The following YEATS2 variants were observed in gnomAD, a reference collection of about 807,000 sequenced individuals.
The protein encoded by YEATS2 is YEATS domain-containing protein 2.
A neutral mutation model predicts 163.2 loss-of-function variants in YEATS2; 77 were observed. That is an observed-to-expected ratio of 0.47 (90% confidence interval 0.39 to 0.57). The LOEUF is 0.57. YEATS2 is among the 20% of genes least tolerant of loss of function. The probability of loss-of-function intolerance (pLI) is 0.00; values close to 1 mark genes in which losing one functional copy is unlikely to be tolerated. For missense variants in YEATS2, 1,549 were observed against 1,729.8 expected (o/e 0.90, Z 1.85); for synonymous variants, 631 against 645.1 (o/e 0.98, Z 0.33).
chr3:183,742,319 C>T (rs1719060180), intron 8 of YEATS2, among the ~76,000 whole-genome samples: 1 of 152,208 alleles, frequency 6.6e-6, no homozygotes, highest in South Asian at 2.1e-4. Context: ...TGAAAGCCTT[C>T]TGGAAAGGAC....
At chr3:183,786,424 T>A (rs546016603) in intron 20 of YEATS2, 123 bp downstream of exon 20, 101 of 972,342 alleles carry the variant, frequency 1.0e-4, no homozygotes, top group Middle Eastern at 3.4e-4. Context: ...CTTTTTTTTT[T>A]AAAGAAATAT....
chr3:183,762,642 T>G (rs1415157405), intron 15 of YEATS2, among the ~76,000 whole-genome samples: 3 of 152,214 alleles, frequency 2.0e-5, no homozygotes, highest in Non-Finnish European at 4.4e-5. Flanking sequence ...CTGTAGTTTA[T>G]ACCTCTGATG....
Position 183,721,915 on chromosome 3 carries a change from G to GT in YEATS2, c.321dup (p.Asn108Ter). On this transcript the variant is annotated frameshift_variant, in exon 5 of 31. Coordinates refer to ENST00000305135, the MANE Select transcript of YEATS2 (RefSeq NM_018023.5). LOFTEE classifies it high-confidence loss of function. ...GGGATCAAAGACATGTGATACAATG[G>GT]TTTTTAATCATCCTGCTATCAAGAA... 1 of 1,614,080 alleles carries GT rather than the reference G, an allele frequency of 6.2e-7. No homozygotes were observed. Among genetic ancestry groups the GT allele is most frequent in the Non-Finnish European group, 8.5e-7 (1 of 1,180,020 alleles).
intron 14 of YEATS2, 109 bp from the exon 15 acceptor site, chr3:183,761,988 G>A: frequency 7.0e-7 from 1 of 1,433,162 alleles, no homozygotes; most frequent in Non-Finnish European, 9.7e-7. Context: ...TACGTATCAA[G>A]TTTCATCAAT....
intron 24 of YEATS2, 128 bp from the exon 25 acceptor site, chr3:183,801,327 A>G (rs1725644959): frequency 1.7e-6 from 1 of 589,090 alleles, no homozygotes; most frequent in South Asian, 3.1e-5. Flanking sequence ...AAGACATGCT[A>G]ATATGATGGT....
chr3:183,736,905 C>T lies in YEATS2; in HGVS notation c.924+76C>T, dbSNP rs74691514. 11,419 of 1,277,264 alleles carry T rather than the reference C, an allele frequency of 8.9e-3. 507 individuals carry two copies. In the East Asian group the frequency reaches 0.14, roughly 15 times the overall value. The allele number at this position is 1,277,264 out of a possible 1,614,324, so 79.1% of individuals were successfully genotyped here. A position where few individuals can be genotyped will look rare whatever the true frequency, so the allele number is the denominator to read the frequency against. On this transcript the variant is annotated intron_variant, in intron 8 of 30. Coordinates refer to ENST00000305135, the MANE Select transcript of YEATS2 (RefSeq NM_018023.5). ...TACAATTGATCCTTGAATAGCATGGCGGTTAAGGACCCCCTCGCATTAAAA... is the reference window on the plus strand; with the variant it reads ...TACAATTGATCCTTGAATAGCATGGTGGTTAAGGACCCCCTCGCATTAAAA...
intron 20 of YEATS2, among the ~76,000 whole-genome samples, chr3:183,790,022 G>C (rs1420794665): frequency 6.6e-6 from 1 of 152,230 alleles, no homozygotes; most frequent in East Asian, 1.9e-4. Context: ...CTGCTTCCCC[G>C]TGCCTCTTCA....
chr3:183,787,405 T>G (rs945404743), intron 20 of YEATS2, among the ~76,000 whole-genome samples: 3 of 152,158 alleles, frequency 2.0e-5, no homozygotes, highest in African/African-American at 7.2e-5. Flanking sequence ...ATTATAGCTA[T>G]TGTAGTGGGT....
intron 26 of YEATS2, chr3:183,803,720 G>A: frequency 1.9e-6 from 1 of 516,438 alleles, no homozygotes. Context: ...TTTAGGGAAA[G>A]CTGGGGTAGG....
chr3:183,773,550 A>G, intron 16 of YEATS2, 83 bp from the exon 17 acceptor site: 1 of 1,348,960 alleles, frequency 7.4e-7, no homozygotes, highest in Non-Finnish European at 1.0e-6. Flanking sequence ...CTAAAATAAG[A>G]ATTTATTGCC....
At chr3:183,723,122 C>T (rs182397563) in intron 5 of YEATS2, among the ~76,000 whole-genome samples, 76 of 152,344 alleles carry the variant, frequency 5.0e-4, no homozygotes, top group African/African-American at 1.4e-3. Context: ...CGTTCTTCAA[C>T]GGTTTCCTCT....
chr3:183,734,261 C>T (rs139231019), intron 7 of YEATS2, among the ~76,000 whole-genome samples: 11 of 152,272 alleles, frequency 7.2e-5, no homozygotes, highest in African/African-American at 2.6e-4. Context: ...GGTCTGTCAC[C>T]TTGGGGACAT....
chr3:183,761,942 A>C (rs1721397750), intron 14 of YEATS2, among the ~76,000 whole-genome samples, 155 bp from the exon 15 acceptor site: 1 of 152,208 alleles, frequency 6.6e-6, no homozygotes, highest in East Asian at 1.9e-4. Flanking sequence ...GTATTTAAGC[A>C]GTATGTATAT....
At chr3:183,808,195 A>AT in intron 29 of YEATS2, 91 bp downstream of exon 29, 1 of 1,044,040 alleles carries the variant, frequency 9.6e-7, no homozygotes, top group Non-Finnish European at 1.4e-6. Context: ...GAACAAAGAT[A>AT]ACAGGCTTTA....
At chr3:183,731,477 TTTTA>T (rs1427057443) in intron 7 of YEATS2, among the ~76,000 whole-genome samples, 1 of 152,216 alleles carries the variant, frequency 6.6e-6, no homozygotes, top group East Asian at 1.9e-4. Flanking sequence ...CAAGTGCCTG[TTTTA>T]TTTCTCTGTT....
At chr3:183,793,197 T>C (rs1027562822) in intron 21 of YEATS2, 6 of 1,278,804 alleles carry the variant, frequency 4.7e-6, no homozygotes, top group Non-Finnish European at 6.1e-6. Context: ...CACTCACGCA[T>C]GCAGACAACA....
rs1256327698 is a variant in YEATS2, at chr3:183,772,572, G to T, written c.2206+9G>T. On this transcript the variant is annotated intron_variant, in intron 16 of 30. Coordinates refer to ENST00000305135, the MANE Select transcript of YEATS2 (RefSeq NM_018023.5). ...TGGATCCCAGGGTTCAGGTAAAACG[G>T]ATCATCACTGGGAGCCCTTTCAGCA... The T allele has an allele frequency of 2.5e-6, 4 of 1,612,884 alleles. No individual in the cohort carries two copies. The highest frequency in any genetic ancestry group is 1.8e-4 in the Middle Eastern group (1 of 5,514).
At position 183,807,073 on chromosome 3, in the gene YEATS2, T is replaced by C. The variant is rs370919234; in HGVS notation, c.3992T>C (p.Ile1331Thr). ...YLPPTPGSEF[I>T]GDVTQKIGIT... The stretch of plus-strand genomic sequence containing the variant: ...CCACCAACCCCAGGGTCTGAATTTA[T>C]TGGGGATGTCACACAGAAGGTAGGG... Residue 1331 changes from isoleucine (I) to threonine (T), a missense_variant, in exon 28 of 31, where the codon ATT (isoleucine) becomes ACT (threonine). Transcript: ENST00000305135. 35 of 1,613,638 alleles carry C rather than the reference T, an allele frequency of 2.2e-5. No homozygotes were observed. The highest frequency in any genetic ancestry group is 2.6e-5 in the Non-Finnish European group (31 of 1,179,876).
intron 10 of YEATS2, 95 bp downstream of exon 10, chr3:183,752,348 G>A (rs188207003): frequency 6.9e-7 from 1 of 1,439,810 alleles, no homozygotes; most frequent in Non-Finnish European, 9.6e-7. Flanking sequence ...AAATAACTTT[G>A]CTATAAGTGG....
Sources: gnomAD v4.1 joint callset for allele counts (sites outside exome capture counted in the v4.1 genomes callset) on GRCh38, gnomAD v4.1.1 for gene constraint, MANE v1.5 for transcripts, NCBI Gene and HGNC (gene_info 2026-07-23, HGNC 2026-07-21) for gene names.